TIMMDC1: variants seen among roughly 807,000 people sequenced by gnomAD.
TIMMDC1 encodes translocase of inner mitochondrial membrane domain containing 1.
Under a neutral mutation model 32.6 loss-of-function variants are expected in TIMMDC1, and 25 were observed. That is an observed-to-expected ratio of 0.77 (90% CI 0.56 to 1.07). TIMMDC1 has a LOEUF of 1.07. TIMMDC1 is among the 50% of genes least tolerant of loss of function. The pLI is 0.00. For missense variants in TIMMDC1, 329 were observed against 349.2 expected, an observed-to-expected ratio of 0.94 and a Z score of 0.46; for synonymous variants, 130 against 127.6, an observed-to-expected ratio of 1.02 and a Z score of -0.13.
At chr3:119,521,486 G>A (rs2082026385) in intron 6 of TIMMDC1, among the ~76,000 whole-genome samples, 1 of 152,172 alleles carries the variant, frequency 6.6e-6, no homozygotes, top group African/African-American at 2.4e-5. Context: ...GGTGGAGGTT[G>A]CAATGAACCA....
rs1320571153 is a variant in TIMMDC1 at position 119,503,541 on chromosome 3, C to T, written c.370C>T (p.His124Tyr). The T allele has an allele frequency of 9.9e-6, 16 of 1,608,066 alleles. No homozygotes were observed. The highest frequency in any genetic ancestry group is 2.2e-5 in the East Asian group (1 of 44,828). Residue 124 changes from histidine (H) to tyrosine (Y), a missense_variant, in exon 3 of 7, where the codon CAT becomes TAT. By Grantham distance (83) the His-to-Tyr change is moderately conservative. Transcript: ENST00000494664. Reference protein sequence around the residue: ...HNRFDAVQSAHRAATRGFIRY... With the variant: ...HNRFDAVQSAYRAATRGFIRY... The stretch of plus-strand genomic sequence containing the variant: ...TTTTAATTAACTTTAGCAATCTGCA[C>T]ATCGTGCTGCCACACGAGGCTTCAT...
chr3:119,498,834 T>C lies in TIMMDC1; in HGVS notation c.101T>C (p.Val34Ala), dbSNP rs767551083. Residue 34 changes from valine (V) to alanine (A), a missense_variant, in exon 1 of 7, where the codon GTC (valine) becomes GCC (alanine). By Grantham distance (64) the Val-to-Ala change is moderately conservative. Transcript: ENST00000494664. ...AAEAVTADSE[V>A]LEERQKRLPY... ...GAAGCTGTGACTGCCGATTCGGAAG[T>C]CCTTGAGGAGCGTCAGAAGCGGCTT... 5 of 1,613,964 alleles carry C rather than the reference T, an allele frequency of 3.1e-6. No individual in the cohort carries two copies. Among genetic ancestry groups the C allele is most frequent in the Non-Finnish European group, 4.2e-6 (5 of 1,180,028 alleles).
At chr3:119,503,802 A>C (rs1443059940) in intron 3 of TIMMDC1, 152 bp from the exon 4 acceptor site, 7 of 781,050 alleles carry the variant, frequency 9.0e-6, no homozygotes, top group Non-Finnish European at 1.4e-5. Flanking sequence ...TTTTACAACC[A>C]TGTCTGGAAC....
intron 1 of TIMMDC1, 27 bp downstream of exon 1, chr3:119,498,954 G>A (rs780210280): frequency 9.9e-6 from 16 of 1,608,432 alleles, no homozygotes; most frequent in South Asian, 5.5e-5. Flanking sequence ...TGTGAAGTGG[G>A]GTAGGGGGCC....
At chr3:119,517,755 G>A (rs1485717463) in intron 6 of TIMMDC1, among the ~76,000 whole-genome samples, 1 of 152,112 alleles carries the variant, frequency 6.6e-6, no homozygotes, top group Non-Finnish European at 1.5e-5. Flanking sequence ...ATCACCTGAG[G>A]TCAGGAGTTC....
chr3:119,512,245 A>G (rs2081956945), intron 4 of TIMMDC1, among the ~76,000 whole-genome samples: 1 of 152,144 alleles, frequency 6.6e-6, no homozygotes, highest in African/African-American at 2.4e-5. Flanking sequence ...TAAAAAATTT[A>G]GTATGTACAC....
At chr3:119,514,843 G>C (rs1307459966) in intron 5 of TIMMDC1, among the ~76,000 whole-genome samples, 1 of 152,078 alleles carries the variant, frequency 6.6e-6, no homozygotes, top group Admixed American at 6.5e-5. Flanking sequence ...GCTCTTACCT[G>C]GAGGCTCTGG....
At chr3:119,503,853 T>C in intron 3 of TIMMDC1, 101 bp from the exon 4 acceptor site, 1 of 1,059,142 alleles carries the variant, frequency 9.4e-7, no homozygotes, top group South Asian at 1.5e-5. Context: ...ATTGATATAG[T>C]AGGCTTTTCT....
chr3:119,503,174 C>T (rs996886283), intron 2 of TIMMDC1, among the ~76,000 whole-genome samples: 2 of 152,152 alleles, frequency 1.3e-5, no homozygotes, highest in Admixed American at 1.3e-4. Context: ...AGGAATTGCT[C>T]ATTGGAGCAT....
intron 6 of TIMMDC1, 140 bp downstream of exon 6, chr3:119,517,455 C>T: frequency 1.7e-6 from 1 of 591,568 alleles, no homozygotes; most frequent in Non-Finnish European, 3.1e-6. Context: ...TCAACTCATA[C>T]TGTACATTGT....
chr3:119,516,705 G>T (rs1390251124), intron 5 of TIMMDC1, among the ~76,000 whole-genome samples: 1 of 152,058 alleles, frequency 6.6e-6, no homozygotes, highest in Non-Finnish European at 1.5e-5. Flanking sequence ...AGACAGTTAC[G>T]CCAGACTCTT....
intron 4 of TIMMDC1, among the ~76,000 whole-genome samples, chr3:119,513,197 A>G (rs1200877652): frequency 2.0e-5 from 3 of 152,192 alleles, no homozygotes; most frequent in African/African-American, 7.2e-5. Flanking sequence ...TTGTAGGCCA[A>G]ATGCTGCTTG....
chr3:119,519,145 TAC>T (rs1410257517), intron 6 of TIMMDC1, among the ~76,000 whole-genome samples: 1 of 136,044 alleles, frequency 7.4e-6, no homozygotes, highest in African/African-American at 2.7e-5. Context: ...ACCTTATAAT[TAC>T]AAAAATCTAC....
intron 5 of TIMMDC1, among the ~76,000 whole-genome samples, chr3:119,515,884 T>A (rs75084492): frequency 0.013 from 2,026 of 152,310 alleles, 41 homozygotes; most frequent in South Asian, 0.071. Flanking sequence ...ACTAGAAGAG[T>A]GCTACCTTCG....
At chr3:119,500,651 T>C (rs760005263) in intron 1 of TIMMDC1, 44 bp from the exon 2 acceptor site, 1 of 1,571,500 alleles carries the variant, frequency 6.4e-7, no homozygotes, top group Non-Finnish European at 8.7e-7. Context: ...GAGAGCAATG[T>C]CCATAAACTA....
intron 2 of TIMMDC1, among the ~76,000 whole-genome samples, chr3:119,501,465 C>T (rs1257997670): frequency 6.6e-6 from 1 of 152,076 alleles, no homozygotes; most frequent in Non-Finnish European, 1.5e-5. Flanking sequence ...TTCTGAGCTA[C>T]TTGACAGTAG....
intron 6 of TIMMDC1, among the ~76,000 whole-genome samples, chr3:119,520,883 C>T (rs1327650476): frequency 1.3e-5 from 2 of 152,060 alleles, no homozygotes; most frequent in African/African-American, 2.4e-5. Context: ...AAAGATTATA[C>T]ATCATGAACA....
At position 119,503,420 on chromosome 3, in the gene TIMMDC1, A is replaced by T. The variant is rs13092762; in HGVS notation, c.361-112A>T. On this transcript the variant is annotated intron_variant, in intron 2 of 6. Transcript: ENST00000494664. ...TTTCTAGAGATTTTCTAGTATTTCT[A>T]TCTGTTTGGGTGTACCTGACTAATC... 705 of 678,368 alleles carry T rather than the reference A, an allele frequency of 1.0e-3. 5 individuals carry two copies. Among genetic ancestry groups the T allele is most frequent in the African/African-American group, 9.2e-3 (506 of 54,790 alleles). 42.0% of individuals were successfully genotyped at this position (678,368 alleles called of 1,614,324 possible).
intron 3 of TIMMDC1, 143 bp downstream of exon 3, chr3:119,503,763 C>G (rs1553779171): frequency 1.3e-6 from 1 of 794,104 alleles, no homozygotes; most frequent in Non-Finnish European, 1.9e-6. Context: ...AAGAACTTTT[C>G]TCTGTGTAAA....
Sources: gnomAD v4.1 joint callset for allele counts (sites outside exome capture counted in the v4.1 genomes callset) on GRCh38, gnomAD v4.1.1 for gene constraint, MANE v1.5 for transcripts, NCBI Gene and HGNC (gene_info 2026-07-23, HGNC 2026-07-21) for gene names.